Variants in DENND2A observed in about 807,000 individuals in gnomAD.
DENND2A encodes the protein DENN domain-containing protein 2A.
Under a neutral mutation model 105.3 loss-of-function variants are expected in DENND2A, and 53 were observed. That is an observed-to-expected ratio of 0.50 (90% confidence interval 0.40 to 0.63). DENND2A has a LOEUF of 0.63. DENND2A is among the 30% of genes least tolerant of loss of function. The probability of loss-of-function intolerance (pLI) is 0.00; values close to 1 mark genes in which losing one functional copy is unlikely to be tolerated. For missense variants in DENND2A, 1,138 were observed against 1,279.6 expected, an observed-to-expected ratio of 0.89 and a Z score of 1.69; for synonymous variants, 522 against 508.4, an observed-to-expected ratio of 1.03 and a Z score of -0.36.
At chr7:140,590,187 C>T (rs1798956321) in intron 3 of DENND2A, among the ~76,000 whole-genome samples, 2 of 151,948 alleles carry the variant, frequency 1.3e-5, no homozygotes, top group East Asian at 2.0e-4. Context: ...GTTGGGGGTT[C>T]GTGACCAGCC....
chr7:140,525,391 G>T lies in DENND2A; in HGVS notation c.2547+360C>A, dbSNP rs191894644. Reference sequence around the variant, plus strand: ...GCTGGTCTCGAACTCCTGACCTCAGGTGATCCACCTGTCTCAGCCTCCCAA... The same window carrying T: ...GCTGGTCTCGAACTCCTGACCTCAGTTGATCCACCTGTCTCAGCCTCCCAA... On this transcript the variant is annotated intron_variant, in intron 16 of 19. Coordinates refer to ENST00000496613, the MANE Select transcript of DENND2A (RefSeq NM_015689.5). 3.1e-3 allele frequency among the ~76,000 whole-genome samples: 471 copies of T among 152,136 alleles called. 1 individual carries two copies. Among genetic ancestry groups the T allele is most frequent in the African/African-American group, 0.011 (439 of 41,514 alleles).
chr7:140,632,168 T>G (rs1384788692), intron 1 of DENND2A, among the ~76,000 whole-genome samples: 1 of 152,102 alleles, frequency 6.6e-6, no homozygotes. Flanking sequence ...ATTATAGAAG[T>G]GTCCTGTTTT....
At chr7:140,542,666 A>G (rs1403975726) in intron 14 of DENND2A, among the ~76,000 whole-genome samples, 1 of 149,986 alleles carries the variant, frequency 6.7e-6, no homozygotes, top group Non-Finnish European at 1.5e-5. Context: ...CCGGGTTCAA[A>G]CGATTCTTCT....
chr7:140,529,273 A>G (rs1796171689), intron 14 of DENND2A, among the ~76,000 whole-genome samples: 1 of 152,238 alleles, frequency 6.6e-6, no homozygotes, highest in African/African-American at 2.4e-5. Context: ...AGTCTGGCCA[A>G]CATGTTGAAA....
At position 140,582,739 on chromosome 7, in the gene DENND2A, T is replaced by A. The variant is rs563693167; in HGVS notation, c.1245+2850A>T. On this transcript the variant is annotated intron_variant, in intron 5 of 19. Transcript: ENST00000496613. ...CCCCACCTGCCAGCGATGCTGACCC[T>A]GTGGGGCTGGGACAGGAAGACCACT... Among the ~76,000 whole-genome samples the A allele has an allele frequency of 6.6e-5, 10 of 152,282 alleles. 1 individual carries two copies. Among genetic ancestry groups the A allele is most frequent in the African/African-American group, 2.4e-4 (10 of 41,574 alleles).
chr7:140,586,038 C>T (rs920556232), intron 4 of DENND2A, among the ~76,000 whole-genome samples: 42 of 152,212 alleles, frequency 2.8e-4, no homozygotes, highest in African/African-American at 8.9e-4. Context: ...TGGCATTCCC[C>T]GGCTCTAAAG....
intron 15 of DENND2A, 126 bp from the exon 16 acceptor site, chr7:140,525,918 G>C: frequency 1.5e-6 from 1 of 685,598 alleles, no homozygotes; most frequent in Non-Finnish European, 2.3e-6. Flanking sequence ...TGAGCCATTT[G>C]TGGTTTCCTG....
intron 1 of DENND2A, among the ~76,000 whole-genome samples, chr7:140,623,230 G>T (rs1800364718): frequency 6.7e-6 from 1 of 148,300 alleles, no homozygotes; most frequent in Non-Finnish European, 1.5e-5. Flanking sequence ...CAGAAGGATT[G>T]ATTGAACCCG....
chr7:140,568,852 G>A (rs764764816), intron 7 of DENND2A, 39 bp from the exon 8 acceptor site: 2 of 1,599,408 alleles, frequency 1.3e-6, no homozygotes, highest in Admixed American at 1.7e-5. Context: ...GCAAATGTGA[G>A]TTCTTCTCAT....
At chr7:140,562,677 A>AC (rs58292847) in intron 9 of DENND2A, among the ~76,000 whole-genome samples, 3,469 of 128,082 alleles carry the variant, frequency 0.027, 60 homozygotes, top group Non-Finnish European at 0.036. Context: ...AAACAAACAA[A>AC]ACAACAACAA....
At chr7:140,556,711 C>A (rs962982805) in intron 11 of DENND2A, among the ~76,000 whole-genome samples, 2 of 152,096 alleles carry the variant, frequency 1.3e-5, no homozygotes, top group African/African-American at 4.8e-5. Context: ...TTCAATTATC[C>A]ATGCTTTTTA....
At chr7:140,633,527 A>T (rs981889569) in intron 1 of DENND2A, among the ~76,000 whole-genome samples, 6 of 152,302 alleles carry the variant, frequency 3.9e-5, no homozygotes, top group Admixed American at 2.6e-4. Flanking sequence ...CCTACCATAA[A>T]CTTGCAGAGA....
chr7:140,638,482 A>T (rs1801038830), intron 1 of DENND2A, among the ~76,000 whole-genome samples: 1 of 152,102 alleles, frequency 6.6e-6, no homozygotes, highest in South Asian at 2.1e-4. Flanking sequence ...TGGGTGTTGC[A>T]AAAAGCCTTG....
intron 1 of DENND2A, among the ~76,000 whole-genome samples, chr7:140,635,885 A>AT (rs1485221614): frequency 6.6e-6 from 1 of 152,182 alleles, no homozygotes; most frequent in Non-Finnish European, 1.5e-5. Flanking sequence ...TCAGACATTG[A>AT]TTTTAAGGCC....
At chr7:140,520,170 G>C (rs1795803094) in intron 18 of DENND2A, among the ~76,000 whole-genome samples, 1 of 152,082 alleles carries the variant, frequency 6.6e-6, no homozygotes, top group East Asian at 1.9e-4. Context: ...GCCAGGTGTG[G>C]TGGTGCACGC....
chr7:140,556,877 G>A (rs117112744), intron 11 of DENND2A, among the ~76,000 whole-genome samples: 3,537 of 152,210 alleles, frequency 0.023, 51 homozygotes, highest in South Asian at 0.042. Context: ...GAATGGGCCT[G>A]AAAATGACAA....
chr7:140,591,590 C>A (rs745722759), intron 3 of DENND2A, among the ~76,000 whole-genome samples: 16 of 152,082 alleles, frequency 1.1e-4, no homozygotes, highest in Non-Finnish European at 1.5e-4. Flanking sequence ...GTGTTGGTAA[C>A]ACATGCCAAA....
At chr7:140,585,014 C>T (rs910251798) in intron 5 of DENND2A, among the ~76,000 whole-genome samples, 1 of 152,142 alleles carries the variant, frequency 6.6e-6, no homozygotes, top group Non-Finnish European at 1.5e-5. Context: ...GCATGGCCAA[C>T]ATGGTGAAAC....
At chr7:140,593,011 C>T (rs1585713689) in intron 3 of DENND2A, among the ~76,000 whole-genome samples, 2 of 152,162 alleles carry the variant, frequency 1.3e-5, no homozygotes, top group East Asian at 3.8e-4. Flanking sequence ...TGTGATCACA[C>T]CAATCCTTCA....
Sources: gnomAD v4.1 joint callset for allele counts (sites outside exome capture counted in the v4.1 genomes callset) on GRCh38, gnomAD v4.1.1 for gene constraint, MANE v1.5 for transcripts, NCBI Gene and HGNC (gene_info 2026-07-23, HGNC 2026-07-21) for gene names.